Variants in DGKK observed in about 807,000 individuals in gnomAD.
DGKK encodes diacylglycerol kinase kappa.
A neutral mutation model predicts 92.2 loss-of-function variants in DGKK; 35 were observed. That is an observed-to-expected ratio of 0.38 (90% CI 0.29 to 0.50). DGKK has a LOEUF of 0.50. Among genes scored for constraint, DGKK ranks in the 20% least tolerant of loss-of-function variants. The pLI is 0.92. For missense variants in DGKK, 910 were observed against 992.2 expected, an observed-to-expected ratio of 0.92 and a Z score of 1.11; for synonymous variants, 368 against 360.6, an observed-to-expected ratio of 1.02 and a Z score of -0.23.
chrX:50,445,801 T>C (rs1926293173), intron 1 of DGKK, among the ~76,000 whole-genome samples: 1 of 111,510 alleles, frequency 9.0e-6, no homozygotes, highest in South Asian at 3.7e-4. Flanking sequence ...TACATAGTTT[T>C]TTCTAGTTCT....
intron 1 of DGKK, among the ~76,000 whole-genome samples, chrX:50,435,031 T>C (rs181978905): frequency 4.4e-4 from 49 of 112,478 alleles, no homozygotes; most frequent in Non-Finnish European, 7.7e-4. Context: ...CTATTGCTCT[T>C]AGGCTACAAA....
chrX:50,405,524 G>A (rs782268941), intron 4 of DGKK, among the ~76,000 whole-genome samples: 1 of 101,595 alleles, frequency 9.8e-6, no homozygotes, highest in Non-Finnish European at 1.9e-5. Flanking sequence ...GTTGACAGTG[G>A]GGGGAGAGAG....
At chrX:50,374,717 G>T (rs1924225992) in intron 25 of DGKK, among the ~76,000 whole-genome samples, 1 of 110,951 alleles carries the variant, frequency 9.0e-6, no homozygotes, top group Admixed American at 9.6e-5. Context: ...TATTGGCCTG[G>T]TCTGAACCCA....
intron 25 of DGKK, 52 bp downstream of exon 25, chrX:50,374,919 C>T (rs1924229828): frequency 9.3e-7 from 1 of 1,074,522 alleles, no homozygotes; most frequent in Non-Finnish European, 1.3e-6. Context: ...AGACCATGAC[C>T]ATGTTCAGAT....
chrX:50,446,504 T>C (rs1157087434), intron 1 of DGKK, among the ~76,000 whole-genome samples: 3 of 111,971 alleles, frequency 2.7e-5, no homozygotes, highest in Non-Finnish European at 5.7e-5. Context: ...TTTTTGCTTA[T>C]TTGCTATTGT....
chrX:50,442,539 C>T (rs1926194822), intron 1 of DGKK, among the ~76,000 whole-genome samples: 1 of 111,166 alleles, frequency 9.0e-6, no homozygotes, highest in Admixed American at 9.5e-5. Flanking sequence ...GACCTCTCTC[C>T]GTCTCAGGAT....
intron 17 of DGKK, among the ~76,000 whole-genome samples, chrX:50,383,026 G>A (rs1557224604): frequency 8.9e-6 from 1 of 111,755 alleles, no homozygotes. Context: ...AGTGATGTCC[G>A]ACATCAAAGG....
intron 1 of DGKK, among the ~76,000 whole-genome samples, chrX:50,459,553 T>C (rs1926693780): frequency 1.8e-5 from 2 of 110,562 alleles, no homozygotes; most frequent in African/African-American, 6.6e-5. Context: ...AGAGAACCAC[T>C]AATGGGTACT....
chrX:50,428,479 G>A (rs2147139284), intron 1 of DGKK, among the ~76,000 whole-genome samples: 1 of 111,722 alleles, frequency 9.0e-6, no homozygotes, highest in African/African-American at 3.3e-5. Flanking sequence ...ATTGTTTAGT[G>A]AGATAAACCT....
intron 1 of DGKK, among the ~76,000 whole-genome samples, chrX:50,459,536 G>A (rs6521850): frequency 0.45 from 49,231 of 109,220 alleles, 9,696 homozygotes; most frequent in African/African-American, 0.76. Context: ...TAATAAGAAA[G>A]CCATGAAGAG....
intron 4 of DGKK, among the ~76,000 whole-genome samples, chrX:50,411,140 A>G (rs1440121551): frequency 9.0e-6 from 1 of 111,406 alleles, no homozygotes; most frequent in Non-Finnish European, 1.9e-5. Context: ...CCAAGGGATA[A>G]CTGTTAGGCC....
chrX:50,414,849 C>T (rs1877384642), intron 4 of DGKK, among the ~76,000 whole-genome samples: 1 of 112,039 alleles, frequency 8.9e-6, no homozygotes, highest in African/African-American at 3.2e-5. Context: ...GAACCACTGT[C>T]AGCTGAGACT....
intron 4 of DGKK, among the ~76,000 whole-genome samples, chrX:50,411,050 T>C (rs782380822): frequency 4.7e-4 from 52 of 111,251 alleles, no homozygotes; most frequent in Non-Finnish European, 5.8e-4. Flanking sequence ...GCAGGAAACA[T>C]GGTCCACGGG....
intron 1 of DGKK, among the ~76,000 whole-genome samples, chrX:50,450,317 T>A (rs185539762): frequency 0.022 from 2,465 of 112,135 alleles, 61 homozygotes; most frequent in African/African-American, 0.074. Flanking sequence ...ATACACTGGC[T>A]GTTTAGTTTC....
rs371665326 is a variant in DGKK, at chrX:50,470,328, AGGTTCTGGGGCC to A, written c.339_350del (p.Pro115_Ala118del). 3.2e-4 allele frequency: 381 copies of A among 1,203,087 alleles called. No homozygotes were observed. The African/African-American group carries it at 4.2e-3, about 13-fold the overall frequency. On this transcript the variant is annotated inframe_deletion, in exon 1 of 28. Coordinates refer to ENST00000611977, the MANE Select transcript of DGKK (RefSeq NM_001013742.4). ...TCGGCTCTGGGGCAGACTCTGTGGCAGGTTCTGGGGCCGGTTCTGGGGCCGGCTCTGTGGCAG... is the reference window on the plus strand; with the variant it reads ...TCGGCTCTGGGGCAGACTCTGTGGCAGGTTCTGGGGCCGGCTCTGTGGCAG...
intron 8 of DGKK, among the ~76,000 whole-genome samples, chrX:50,395,069 C>G (rs906874875): frequency 9.0e-6 from 1 of 110,504 alleles, no homozygotes; most frequent in African/African-American, 3.3e-5. Flanking sequence ...TGACATGGGA[C>G]AGATCCAATG....
chrX:50,414,767 T>G (rs1293892674), intron 4 of DGKK, among the ~76,000 whole-genome samples: 1 of 111,577 alleles, frequency 9.0e-6, no homozygotes, highest in African/African-American at 3.3e-5. Flanking sequence ...AGGAGATTAG[T>G]GTGGATGTCA....
chrX:50,450,085 C>A (rs1349830794), intron 1 of DGKK, among the ~76,000 whole-genome samples: 1 of 111,354 alleles, frequency 9.0e-6, no homozygotes, highest in Non-Finnish European at 1.9e-5. Context: ...TTGAGGCCAG[C>A]CTTATCCACT....
At chrX:50,371,385 C>A (rs1472728705) in intron 26 of DGKK, among the ~76,000 whole-genome samples, 3 of 111,990 alleles carry the variant, frequency 2.7e-5, no homozygotes, top group African/African-American at 9.7e-5. Flanking sequence ...GCAGCAGGTG[C>A]TGAGCAGGGA....
Sources: gnomAD v4.1 joint callset for allele counts (sites outside exome capture counted in the v4.1 genomes callset) on GRCh38, gnomAD v4.1.1 for gene constraint, MANE v1.5 for transcripts, NCBI Gene and HGNC (gene_info 2026-07-23, HGNC 2026-07-21) for gene names.